Variants in KLHL1 observed in about 807,000 individuals in gnomAD.
The protein encoded by KLHL1 is kelch like family member 1.
Under a neutral mutation model 77.7 loss-of-function variants are expected in KLHL1, and 47 were observed. That is an observed-to-expected ratio of 0.60 (90% CI 0.48 to 0.77). KLHL1 has a LOEUF of 0.77. Ranked by LOEUF, KLHL1 falls within the 30% of genes least tolerant of loss-of-function variation. The pLI, the probability that KLHL1 is intolerant of heterozygous loss-of-function variation, is 0.00. For synonymous variants in KLHL1, 360 were observed against 325.2 expected (o/e 1.11, Z -1.15); for missense variants, 925 against 910.8 (o/e 1.02, Z -0.20).
At chr13:69,738,537 AT>A (rs1873856159) in intron 8 of KLHL1, among the ~76,000 whole-genome samples, 1 of 152,062 alleles carries the variant, frequency 6.6e-6, no homozygotes, top group South Asian at 2.1e-4. Context: ...AGAATAACCA[AT>A]TTAGAGAGGA....
intron 1 of KLHL1, among the ~76,000 whole-genome samples, chr13:69,982,414 C>T (rs562659352): frequency 6.9e-4 from 101 of 146,244 alleles, no homozygotes; most frequent in African/African-American, 2.3e-3. Flanking sequence ...CCAGCCTGGG[C>T]GACAGAGCAA....
intron 6 of KLHL1, among the ~76,000 whole-genome samples, chr13:69,823,646 T>G (rs1878429559): frequency 6.6e-6 from 1 of 152,078 alleles, no homozygotes; most frequent in Non-Finnish European, 1.5e-5. Flanking sequence ...TTTTCTTTTG[T>G]ATAAGTCACT....
intron 6 of KLHL1, among the ~76,000 whole-genome samples, chr13:69,834,907 G>A (rs1029910357): frequency 6.6e-6 from 1 of 152,044 alleles, no homozygotes; most frequent in Non-Finnish European, 1.5e-5. Flanking sequence ...AATTGTTAAT[G>A]AATGGTCATT....
chr13:70,091,965 G>T (rs924880073), intron 1 of KLHL1, among the ~76,000 whole-genome samples: 5 of 152,096 alleles, frequency 3.3e-5, no homozygotes, highest in Non-Finnish European at 7.4e-5. Context: ...AGGGTGTAGT[G>T]GGGAACATCT....
At chr13:70,073,941 T>C (rs1447074432) in intron 1 of KLHL1, among the ~76,000 whole-genome samples, 1 of 151,926 alleles carries the variant, frequency 6.6e-6, no homozygotes, top group Non-Finnish European at 1.5e-5. Flanking sequence ...TTCTCCTGCC[T>C]CAGCCTCCAG....
chr13:69,938,848 AAG>A (rs1883262024), intron 4 of KLHL1, among the ~76,000 whole-genome samples: 2 of 152,190 alleles, frequency 1.3e-5, no homozygotes, highest in Admixed American at 1.3e-4. Flanking sequence ...AAAAAGGAAA[AAG>A]AAAATAATTT....
intron 6 of KLHL1, among the ~76,000 whole-genome samples, chr13:69,808,612 G>A (rs1369801028): frequency 6.6e-6 from 1 of 152,084 alleles, no homozygotes; most frequent in Non-Finnish European, 1.5e-5. Context: ...CAAAGTGTCA[G>A]CTCTCAGAAG....
chr13:70,044,105 T>C (rs1021361697), intron 1 of KLHL1, among the ~76,000 whole-genome samples: 7 of 152,214 alleles, frequency 4.6e-5, no homozygotes, highest in African/African-American at 1.2e-4. Flanking sequence ...TTATGATCCA[T>C]AGAGCCCTAT....
intron 3 of KLHL1, among the ~76,000 whole-genome samples, chr13:69,960,758 A>T (rs1186926193): frequency 6.6e-6 from 1 of 152,086 alleles, no homozygotes; most frequent in African/African-American, 2.4e-5. Context: ...ATTTGAATGC[A>T]CTAATAACAC....
At chr13:69,969,949 C>T (rs890069871) in intron 2 of KLHL1, among the ~76,000 whole-genome samples, 18 of 152,060 alleles carry the variant, frequency 1.2e-4, no homozygotes, top group Admixed American at 9.8e-4. Flanking sequence ...TTTTAAGTTC[C>T]ACTTCAATTT....
intron 1 of KLHL1, among the ~76,000 whole-genome samples, chr13:69,994,453 T>A (rs192567819): frequency 6.6e-6 from 1 of 152,242 alleles, no homozygotes; most frequent in East Asian, 1.9e-4. Flanking sequence ...TACTTTGCAA[T>A]ATGATGCCTA....
At chr13:70,000,382 A>G (rs1885257237) in intron 1 of KLHL1, among the ~76,000 whole-genome samples, 1 of 152,022 alleles carries the variant, frequency 6.6e-6, no homozygotes, top group East Asian at 1.9e-4. Context: ...CTAGAAGTAT[A>G]AAAACATTAA....
At position 69,764,890 on chromosome 13, in the gene KLHL1, A is replaced by G. The variant is rs1026465122; in HGVS notation, c.1640-24334T>C. ...GTATGCAAATAAAATATTAGAAGTT[A>G]CCTTTTCTCCTTTTCTCATGCTTTC... On this transcript the variant is annotated intron_variant, in intron 7 of 10. Transcript: ENST00000377844. 4.0e-5 allele frequency among the ~76,000 whole-genome samples: 5 copies of G among 124,494 alleles called. No individual in the cohort carries two copies. The South Asian group carries it at 1.3e-3, about 32-fold the overall frequency. 81.7% of individuals were successfully genotyped at this position (124,494 alleles called of 152,430 possible). A position where few individuals can be genotyped will look rare whatever the true frequency, so the allele number is the denominator to read the frequency against.
At chr13:69,896,151 C>T (rs1024216871) in intron 4 of KLHL1, among the ~76,000 whole-genome samples, 6 of 151,970 alleles carry the variant, frequency 3.9e-5, no homozygotes, top group Non-Finnish European at 8.8e-5. Context: ...GTTGGTTTGC[C>T]CCACTTTCTC....
intron 1 of KLHL1, among the ~76,000 whole-genome samples, chr13:70,039,484 C>T (rs9542166): frequency 0.1 from 15,163 of 152,012 alleles, 857 homozygotes; most frequent in African/African-American, 0.15. Context: ...ATATGATTGG[C>T]AAAGATTTTC....
intron 1 of KLHL1, among the ~76,000 whole-genome samples, chr13:70,039,009 C>T (rs963295750): frequency 6.7e-6 from 1 of 149,124 alleles, no homozygotes; most frequent in Non-Finnish European, 1.5e-5. Flanking sequence ...ATTTTTATAT[C>T]TTTTCATGTT....
At chr13:69,889,782 A>G (rs1881359836) in intron 4 of KLHL1, among the ~76,000 whole-genome samples, 1 of 152,056 alleles carries the variant, frequency 6.6e-6, no homozygotes, top group South Asian at 2.1e-4. Context: ...ATGATAATGC[A>G]TTCTTATCAG....
intron 10 of KLHL1, among the ~76,000 whole-genome samples, chr13:69,705,206 G>A (rs184083697): frequency 8.3e-4 from 123 of 148,848 alleles, no homozygotes; most frequent in Non-Finnish European, 1.2e-3. Flanking sequence ...ATGTCTTGAA[G>A]CACGTGCATT....
chr13:69,742,785 C>T (rs1469505175), intron 7 of KLHL1, among the ~76,000 whole-genome samples: 1 of 152,100 alleles, frequency 6.6e-6, no homozygotes, highest in Non-Finnish European at 1.5e-5. Context: ...GTTTTGAGTG[C>T]AGGCATAGTT....
Sources: allele counts gnomAD v4.1 joint callset (sites outside exome capture counted in the v4.1 genomes callset), GRCh38; gene constraint gnomAD v4.1.1; transcripts MANE v1.5; gene names NCBI Gene and HGNC (gene_info 2026-07-23, HGNC 2026-07-21).